The following MYO5A variants were observed in gnomAD, a reference collection of about 807,000 sequenced individuals.
MYO5A encodes the protein myosin VA, also known as unconventional myosin-Va.
MYO5A carries 98 observed loss-of-function variants against 249.7 expected under a neutral mutation model. The ratio of observed to expected loss-of-function variants is 0.39; its 90% CI spans 0.33 to 0.46. The LOEUF (loss-of-function observed/expected upper bound fraction) is 0.46. Ranked by LOEUF, MYO5A falls within the 20% of genes least tolerant of loss-of-function variation. MYO5A has a pLI of 0.98. For synonymous variants in MYO5A, 778 were observed against 810.6 expected, an observed-to-expected ratio of 0.96 and a Z score of 0.68; for missense variants, 1,696 against 2,308.8, an observed-to-expected ratio of 0.73 and a Z score of 5.44.
chr15:52,444,258 C>T (rs1464933508), intron 1 of MYO5A, among the ~76,000 whole-genome samples: 3 of 152,116 alleles, frequency 2.0e-5, no homozygotes, highest in African/African-American at 4.8e-5. Flanking sequence ...ATATGCATAT[C>T]AAGAAAAATT....
intron 1 of MYO5A, among the ~76,000 whole-genome samples, chr15:52,445,312 T>C (rs1448996025): frequency 6.6e-6 from 1 of 152,208 alleles, no homozygotes; most frequent in Non-Finnish European, 1.5e-5. Context: ...TGTCTGCTCC[T>C]GCCTTGCTTT....
rs36207943 is a variant in MYO5A at position 52,371,878 on chromosome 15, GTAATAATAATAATAATAATAATAA to G, written c.2817+222_2817+245del. Among the ~76,000 whole-genome samples the G allele has an allele frequency of 4.9e-5, 7 of 143,112 alleles. No homozygotes were observed. In the East Asian group the frequency reaches 6.0e-4, roughly 12 times the overall value. The allele number at this position is 143,112 out of a possible 152,430, so 93.9% of individuals were successfully genotyped here. A position where few individuals can be genotyped will look rare whatever the true frequency, so the allele number is the denominator to read the frequency against. Reference sequence around the variant, plus strand: ...GAGTGAGACCCTGTCTCAAATAATAGTAATAATAATAATAATAATAATAATAATAATAATAATAATAATAACTTC... The same window carrying G: ...GAGTGAGACCCTGTCTCAAATAATAGTAATAATAATAATAATAATAACTTC... On this transcript the variant is annotated intron_variant, in intron 21 of 41. Transcript: ENST00000399233.
chr15:52,446,052 T>C (rs2075883364), intron 1 of MYO5A, among the ~76,000 whole-genome samples: 1 of 152,244 alleles, frequency 6.6e-6, no homozygotes, highest in South Asian at 2.1e-4. Flanking sequence ...AGCAACCATT[T>C]GCTAGAGAAA....
At chr15:52,367,152 G>T in intron 22 of MYO5A, 28 bp from the exon 23 acceptor site, 1 of 1,580,044 alleles carries the variant, frequency 6.3e-7, no homozygotes. Flanking sequence ...AAACTGAGAT[G>T]GTTGCAATGG....
chr15:52,456,901 G>A (rs2076130037), intron 1 of MYO5A, among the ~76,000 whole-genome samples: 1 of 152,112 alleles, frequency 6.6e-6, no homozygotes, highest in African/African-American at 2.4e-5. Flanking sequence ...CATCAGTCTA[G>A]ATAAAGATTT....
chr15:52,313,780 G>T lies in MYO5A; in HGVS notation c.5559C>A (p.Thr1853=). The T allele has an allele frequency of 6.2e-7, 1 of 1,614,090 alleles. No homozygotes were observed. Among genetic ancestry groups the T allele is most frequent in the Non-Finnish European group, 8.5e-7 (1 of 1,180,000 alleles). The change falls in exon 42 of 42, where the codon ACC becomes ACA. Residue 1853 remains threonine (T), a synonymous_variant. Coordinates refer to ENST00000399233, the MANE Select transcript of MYO5A (RefSeq NM_001382347.1). ...CGAGGGAAGATGGGTTGAAAGGAAAGGTGACAGGAAAGATGTGTTTAGCAT... is the reference window on the plus strand; with the variant it reads ...CGAGGGAAGATGGGTTGAAAGGAAATGTGACAGGAAAGATGTGTTTAGCAT... ...LMDAKHIFPV[T]FPFNPSSLAL... is the part of the protein sequence containing the mutation.
intron 1 of MYO5A, among the ~76,000 whole-genome samples, chr15:52,450,255 T>C (rs1365645921): frequency 6.6e-6 from 1 of 152,012 alleles, no homozygotes; most frequent in African/African-American, 2.4e-5. Flanking sequence ...ACCTACCACA[T>C]AGGGGTATCA....
chr15:52,431,389 C>T (rs1214996339), intron 2 of MYO5A, among the ~76,000 whole-genome samples: 1 of 151,652 alleles, frequency 6.6e-6, no homozygotes, highest in Non-Finnish European at 1.5e-5. Flanking sequence ...ATATAAAATA[C>T]ATACATACAA....
At chr15:52,361,786 G>C (rs2040541101) in intron 24 of MYO5A, among the ~76,000 whole-genome samples, 1 of 152,108 alleles carries the variant, frequency 6.6e-6, no homozygotes, top group Non-Finnish European at 1.5e-5. Context: ...CCGTTTATAC[G>C]TTTTTCAATT....
At chr15:52,469,319 T>C (rs2141443117) in intron 1 of MYO5A, among the ~76,000 whole-genome samples, 1 of 152,326 alleles carries the variant, frequency 6.6e-6, no homozygotes, top group Non-Finnish European at 1.5e-5. Context: ...TTAACACATA[T>C]TCTGTATATG....
chr15:52,404,224 G>A (rs1187238047), intron 9 of MYO5A, among the ~76,000 whole-genome samples: 4 of 138,328 alleles, frequency 2.9e-5, no homozygotes, highest in Non-Finnish European at 6.0e-5. Context: ...GAGATTGCAT[G>A]CCTTTGCACT....
Position 52,336,540 on chromosome 15 carries a change from A to G in MYO5A, c.4331T>C (p.Leu1444Pro). 6.2e-7 allele frequency: 1 copy of G among 1,605,522 alleles called. No individual in the cohort carries two copies. Among genetic ancestry groups the G allele is most frequent in the Non-Finnish European group, 8.5e-7 (1 of 1,174,782 alleles). The change falls in exon 34 of 42, where the codon CTT becomes CCT. Residue 1444 changes from leucine (L) to proline (P), a missense_variant. By Grantham distance (98) the Leu-to-Pro change is moderately conservative. Coordinates refer to ENST00000399233, the MANE Select transcript of MYO5A (RefSeq NM_001382347.1). ...ACGGACCGTCTTATCCTGTTTTTCA[A>G]GTTGTTCCATCAAATCCTAAAGATC... ...YKRMIDLMEQ[L>P]EKQDKTVRKL...
chr15:52,348,748 G>C, intron 29 of MYO5A, 70 bp downstream of exon 29: 2 of 1,276,644 alleles, frequency 1.6e-6, no homozygotes, highest in South Asian at 1.4e-5. Context: ...GCCTTTATTG[G>C]GGGATACTTG....
At chr15:52,461,918 G>A (rs977724538) in intron 1 of MYO5A, among the ~76,000 whole-genome samples, 2 of 149,732 alleles carry the variant, frequency 1.3e-5, no homozygotes, top group Non-Finnish European at 3.0e-5. Flanking sequence ...CTGAGATCGC[G>A]CCACTGTACT....
Position 52,353,633 on chromosome 15 carries a change from C to T in MYO5A, c.3593G>A (p.Gly1198Asp). The stretch of plus-strand genomic sequence containing the variant: ...GAGTGACTCATATTCCAGTTCTGCA[C>T]CTCTAATTTGTGGTCTTTCTTCTTC... ...AKEEERPQIR[G>D]AELEYESLKR... The change falls in exon 27 of 42, where the codon GGT becomes GAT. Residue 1198 changes from glycine to aspartate, a missense_variant. By Grantham distance (94) the Gly-to-Asp change is moderately conservative (BLOSUM62 -1). Transcript: ENST00000399233. The T allele has an allele frequency of 6.2e-7, 1 of 1,613,928 alleles. No individual in the cohort carries two copies. Among genetic ancestry groups the T allele is most frequent in the Non-Finnish European group, 8.5e-7 (1 of 1,179,776 alleles).
chr15:52,430,657 GGTAT>G (rs1336088390), intron 2 of MYO5A, among the ~76,000 whole-genome samples: 1 of 151,976 alleles, frequency 6.6e-6, no homozygotes, highest in Non-Finnish European at 1.5e-5. Context: ...TTTTATTAAA[GGTAT>G]GTATCATTCT....
intron 38 of MYO5A, among the ~76,000 whole-genome samples, chr15:52,319,832 T>C (rs1009672314): frequency 2.0e-5 from 3 of 152,216 alleles, no homozygotes; most frequent in African/African-American, 7.2e-5. Context: ...TAATTCTTAA[T>C]TGCAAAAATT....
intron 40 of MYO5A, 88 bp from the exon 41 acceptor site, chr15:52,314,291 C>T (rs771264604): frequency 1.5e-5 from 15 of 984,154 alleles, no homozygotes; most frequent in Non-Finnish European, 1.9e-5. Flanking sequence ...AGGATCTGTG[C>T]GTACAGATTT....
rs372726687 is a variant in MYO5A at position 52,408,041 on chromosome 15, T to G, written c.838+18A>C. On this transcript the variant is annotated intron_variant, in intron 7 of 41. Transcript: ENST00000399233. ...AGAAAACAATACCAGAACAATAAAT[T>G]TAATGCCATATTCATACCTAATCGT... 75 of 1,482,626 alleles carry G rather than the reference T, an allele frequency of 5.1e-5. No individual in the cohort carries two copies. In the African/African-American group the frequency reaches 8.2e-4, roughly 16 times the overall value. The allele number at this position is 1,482,626 out of a possible 1,614,324, so 91.8% of individuals were successfully genotyped here.
Sources: gnomAD v4.1 joint callset for allele counts (sites outside exome capture counted in the v4.1 genomes callset) on GRCh38, gnomAD v4.1.1 for gene constraint, MANE v1.5 for transcripts, NCBI Gene and HGNC (gene_info 2026-07-23, HGNC 2026-07-21) for gene names.